Variants in RHCE observed in about 807,000 individuals in gnomAD.
The protein encoded by RHCE is Rh blood group CcEe antigens, also known as blood group Rh(CE) polypeptide.
A neutral mutation model predicts 43.8 loss-of-function variants in RHCE; 22 were observed. The ratio of observed to expected loss-of-function variants is 0.50; its 90% CI spans 0.36 to 0.72. The LOEUF is 0.72. Among genes scored for constraint, RHCE ranks in the 30% least tolerant of loss-of-function variants. The pLI is 0.00. For missense variants in RHCE, 385 were observed against 525.4 expected, an observed-to-expected ratio of 0.73 and a Z score of 2.61; for synonymous variants, 156 against 210.7, an observed-to-expected ratio of 0.74 and a Z score of 2.25.
intron 2 of RHCE, among the ~76,000 whole-genome samples, chr1:25,426,620 G>A (rs1368066808): frequency 6.6e-6 from 1 of 152,202 alleles, no homozygotes; most frequent in Non-Finnish European, 1.5e-5. Flanking sequence ...CTGATACTTG[G>A]AGTGGCGGCT....
chr1:25,386,373 G>A (rs1323291628), intron 6 of RHCE, among the ~76,000 whole-genome samples: 1 of 152,186 alleles, frequency 6.6e-6, no homozygotes, highest in Non-Finnish European at 1.5e-5. Context: ...CAGCTGGTTA[G>A]AAAGAAAGCA....
At chr1:25,424,745 G>A (rs1384899467), upstream of RHCE, among the ~76,000 whole-genome samples, 1 of 152,002 alleles carries the variant, frequency 6.6e-6, no homozygotes, top group Non-Finnish European at 1.5e-5. Flanking sequence ...CCCTTGACAA[G>A]GGTTCCTTGT....
chr1:25,419,191 T>C (rs1347586753), intron 1 of RHCE, among the ~76,000 whole-genome samples: 1 of 152,206 alleles, frequency 6.6e-6, no homozygotes, highest in Admixed American at 6.5e-5. Context: ...GTAAAGCATG[T>C]AGAATAGTGC....
intron 7 of RHCE, among the ~76,000 whole-genome samples, chr1:25,384,316 G>T (rs1646085035): frequency 6.6e-6 from 1 of 151,918 alleles, no homozygotes; most frequent in Non-Finnish European, 1.5e-5. Context: ...AGAAGTCATT[G>T]GATCTGGCAA....
At chr1:25,397,484 C>G (rs78326763) in intron 3 of RHCE, among the ~76,000 whole-genome samples, 2,465 of 150,880 alleles carry the variant, frequency 0.016, 34 homozygotes, top group Non-Finnish European at 0.026. Context: ...GTGACAACAG[C>G]GAAACTCCAT....
intron 3 of RHCE, among the ~76,000 whole-genome samples, chr1:25,400,973 T>C (rs1282664792): frequency 2.0e-5 from 3 of 152,140 alleles, no homozygotes. Context: ...CTAGTCTGAG[T>C]CTGGATGATG....
chr1:25,369,577 A>G (rs1233464822), intron 9 of RHCE, among the ~76,000 whole-genome samples: 2 of 151,356 alleles, frequency 1.3e-5, no homozygotes, highest in African/African-American at 4.9e-5. Context: ...ACAATGTAAC[A>G]CGGGACCCTC....
upstream of RHCE, among the ~76,000 whole-genome samples, chr1:25,423,040 C>A (rs1326639275): frequency 6.6e-6 from 1 of 152,130 alleles, no homozygotes; most frequent in Non-Finnish European, 1.5e-5. Flanking sequence ...GACCCCCAGC[C>A]TAGATTACTT....
Position 25,406,656 on chromosome 1 carries a change from C to T in RHCE, c.335+2027G>A, listed in dbSNP as rs552308140. ...TTTTTTTTTTTTTGAGACAGAGTCT[C>T]GCTCTGTCGCCCAGGCTAGAGTGCA... On this transcript the variant is annotated intron_variant, in intron 2 of 9. Coordinates refer to ENST00000294413, the MANE Select transcript of RHCE (RefSeq NM_020485.8). 2.6e-4 allele frequency among the ~76,000 whole-genome samples: 27 copies of T among 105,460 alleles called. 2 individuals carry two copies. The highest frequency in any genetic ancestry group is 7.8e-4 in the African/African-American group (27 of 34,694). 69.2% of individuals were successfully genotyped at this position (105,460 alleles called of 152,430 possible).
intron 1 of RHCE, among the ~76,000 whole-genome samples, chr1:25,414,351 G>A (rs371136295): frequency 6.6e-6 from 1 of 152,030 alleles, no homozygotes; most frequent in Non-Finnish European, 1.5e-5. Flanking sequence ...AGCTCTGAAG[G>A]CAGAACCAGC....
At chr1:25,428,069 TC>T (rs1279817107) in intron 2 of RHCE, among the ~76,000 whole-genome samples, 1 of 152,164 alleles carries the variant, frequency 6.6e-6, no homozygotes, top group Admixed American at 6.5e-5. Flanking sequence ...CCTCCATTGC[TC>T]CCAGCCACTC....
At chr1:25,428,114 G>A (rs1374445997) in intron 2 of RHCE, among the ~76,000 whole-genome samples, 1 of 152,212 alleles carries the variant, frequency 6.6e-6, no homozygotes, top group Middle Eastern at 3.2e-3. Context: ...TGCCCTGTCA[G>A]GGTCTATTTA....
At chr1:25,377,187 A>G (rs1645813555) in intron 7 of RHCE, among the ~76,000 whole-genome samples, 1 of 152,170 alleles carries the variant, frequency 6.6e-6, no homozygotes, top group African/African-American at 2.4e-5. Context: ...TACTCAATTC[A>G]TTGATCTAAA....
chr1:25,415,850 G>A (rs943520372), intron 1 of RHCE, among the ~76,000 whole-genome samples: 9 of 151,464 alleles, frequency 5.9e-5, no homozygotes, highest in East Asian at 1.9e-4. Flanking sequence ...AGGAATTCTC[G>A]AACTTTCACG....
intron 3 of RHCE, among the ~76,000 whole-genome samples, chr1:25,400,942 A>AC (rs1297662506): frequency 3.3e-5 from 5 of 152,086 alleles, no homozygotes; most frequent in African/African-American, 1.2e-4. Flanking sequence ...ATCACTTCCC[A>AC]CCACCCTCAC....
At chr1:25,409,233 T>C (rs1450299969) in intron 1 of RHCE, among the ~76,000 whole-genome samples, 1 of 123,736 alleles carries the variant, frequency 8.1e-6, no homozygotes, top group Non-Finnish European at 1.8e-5. Context: ...GTAAAGGTCA[T>C]TGCTGCTGTT....
Position 25,417,604 on chromosome 1 carries a change from G to A in RHCE, c.148+3035C>T, listed in dbSNP as rs557047976. 6.6e-5 allele frequency among the ~76,000 whole-genome samples: 10 copies of A among 152,200 alleles called. No homozygotes were observed. In the East Asian group the frequency reaches 1.9e-3, roughly 29 times the overall value. ...GAATTTTCATCCACTATCGTCAACT[G>A]TAGCAATGGACCCTGCCTGGAGATT... On this transcript the variant is annotated intron_variant, in intron 1 of 9. Transcript: ENST00000294413.
intron 1 of RHCE, among the ~76,000 whole-genome samples, chr1:25,413,486 G>GAAAAA (rs1647164889): frequency 6.6e-6 from 1 of 152,258 alleles, no homozygotes; most frequent in Non-Finnish European, 1.5e-5. Context: ...GGGGTGATAA[G>GAAAAA]AAGTGGATGT....
chr1:25,362,414 T>C lies in RHCE; in HGVS notation c.*113A>G. The C allele has an allele frequency of 6.2e-7, 1 of 1,612,978 alleles. No homozygotes were observed. The highest frequency in any genetic ancestry group is 8.5e-7 in the Non-Finnish European group (1 of 1,179,464). On this transcript the variant is annotated 3_prime_UTR_variant, in exon 10 of 10. Transcript: ENST00000294413. ...AAATCTGTCTCTGACCTTGTTTCAT[T>C]ATACATAAGGAGACTTTGCTGTCAT...
Sources: allele counts gnomAD v4.1 joint callset (sites outside exome capture counted in the v4.1 genomes callset), GRCh38; gene constraint gnomAD v4.1.1; transcripts MANE v1.5; gene names NCBI Gene and HGNC (gene_info 2026-07-23, HGNC 2026-07-21).